ABLIM1: variants seen among roughly 807,000 people sequenced by gnomAD.
ABLIM1 encodes the protein actin-binding LIM protein 1.
In ABLIM1, 40 loss-of-function variants were observed where a neutral mutation model predicts 107.0. The observed-to-expected ratio is 0.37, with a 90% confidence interval of 0.29 to 0.49. The LOEUF (loss-of-function observed/expected upper bound fraction) is 0.49, where lower values mean the gene tolerates loss of function less well. Ranked by LOEUF, ABLIM1 falls within the 20% of genes least tolerant of loss-of-function variation. The probability of loss-of-function intolerance (pLI) is 0.97; values close to 1 mark genes in which losing one functional copy is unlikely to be tolerated. For missense variants in ABLIM1, 857 were observed against 1,008.5 expected (o/e 0.85, Z 2.04); for synonymous variants, 357 against 357.3 (o/e 1.00, Z 0.01).
At chr10:114,504,878 G>C (rs17091958) in intron 6 of ABLIM1, among the ~76,000 whole-genome samples, 16,992 of 152,192 alleles carry the variant, frequency 0.11, 1,013 homozygotes, top group African/African-American at 0.17. Context: ...TGCCTAGCTT[G>C]CAAGGTTGCT....
At chr10:114,512,278 G>A (rs144066052) in intron 6 of ABLIM1, among the ~76,000 whole-genome samples, 201 of 152,344 alleles carry the variant, frequency 1.3e-3, no homozygotes, top group Admixed American at 2.5e-3. Flanking sequence ...GTGCACTCAC[G>A]GAGTACCTCT....
intron 4 of ABLIM1, among the ~76,000 whole-genome samples, chr10:114,563,480 G>A (rs773440165): frequency 1.3e-5 from 2 of 152,098 alleles, no homozygotes; most frequent in Non-Finnish European, 1.5e-5. Flanking sequence ...TTGGTTATGC[G>A]CCAATGCGGT....
At chr10:114,554,272 T>C (rs2483536) in intron 4 of ABLIM1, among the ~76,000 whole-genome samples, 56,158 of 151,702 alleles carry the variant, frequency 0.37, 13,669 homozygotes, top group African/African-American at 0.7. Flanking sequence ...ACCAGCCTCA[T>C]TGCCGGTCTC....
chr10:114,689,045 G>C (rs896919632), upstream of ABLIM1, among the ~76,000 whole-genome samples: 3 of 152,146 alleles, frequency 2.0e-5, no homozygotes, highest in Non-Finnish European at 2.9e-5. Context: ...CTTTCACAAA[G>C]ACGGCTGATG....
chr10:114,467,026 G>T (rs1255191960), intron 11 of ABLIM1, among the ~76,000 whole-genome samples: 2 of 152,102 alleles, frequency 1.3e-5, no homozygotes, highest in African/African-American at 4.8e-5. Flanking sequence ...GAGCATGGTG[G>T]TGTGCACCTG....
At chr10:114,633,109 A>G (rs2483610) in intron 1 of ABLIM1, among the ~76,000 whole-genome samples, 4,190 of 152,300 alleles carry the variant, frequency 0.028, 194 homozygotes, top group African/African-American at 0.095. Context: ...CAGACATCAC[A>G]AGGCAGGGAG....
chr10:114,728,476 T>C (rs808357), intron 1 of ABLIM1, among the ~76,000 whole-genome samples: 101,213 of 143,650 alleles, frequency 0.7, 35,350 homozygotes, highest in Middle Eastern at 0.75. Context: ...ACATTAAGAA[T>C]GGGTAAATAA....
At chr10:114,792,652 T>C in the ABLIM1 span, among the ~76,000 whole-genome samples, 5 of 152,212 alleles carry the variant, frequency 3.3e-5, no homozygotes, top group Non-Finnish European at 7.3e-5. Flanking sequence ...GATCCTCTTC[T>C]TCCCTCCATC....
chr10:114,635,493 C>CA (rs2078432770), intron 1 of ABLIM1, among the ~76,000 whole-genome samples: 1 of 152,186 alleles, frequency 6.6e-6, no homozygotes, highest in African/African-American at 2.4e-5. Flanking sequence ...ATCAGGTGTC[C>CA]AGTTGCTAAC....
At chr10:114,750,419 A>AC (rs111529223) in intron 1 of ABLIM1, among the ~76,000 whole-genome samples, 5,229 of 152,306 alleles carry the variant, frequency 0.034, 124 homozygotes, top group South Asian at 0.062. Flanking sequence ...AGAATACAAA[A>AC]CCCAAGAAAC....
intron 22 of ABLIM1, among the ~76,000 whole-genome samples, chr10:114,437,492 T>C (rs2059591809): frequency 6.7e-6 from 1 of 149,640 alleles, no homozygotes; most frequent in Admixed American, 6.6e-5. Flanking sequence ...TGAATTTTTG[T>C]ATTTTTAGTA....
At chr10:114,760,813 G>T (rs899711792) in intron 1 of ABLIM1, among the ~76,000 whole-genome samples, 3 of 152,206 alleles carry the variant, frequency 2.0e-5, no homozygotes, top group Non-Finnish European at 4.4e-5. Flanking sequence ...TGTCCAAAAT[G>T]ATCTCTCTCA....
At chr10:114,542,781 G>T (rs1341403884) in intron 6 of ABLIM1, among the ~76,000 whole-genome samples, 2 of 152,108 alleles carry the variant, frequency 1.3e-5, no homozygotes, top group Non-Finnish European at 2.9e-5. Context: ...GATGAGGGAT[G>T]GACTCAGGGC....
upstream of ABLIM1, among the ~76,000 whole-genome samples, chr10:114,769,422 GGAAAGAAA>G (rs201904899): frequency 0.12 from 5,937 of 51,534 alleles, 175 homozygotes; most frequent in African/African-American, 0.12. Flanking sequence ...AAGAAAAGAA[GGAAAGAAA>G]GAAAGAAAGA....
At chr10:114,744,851 C>T (rs757875455) in intron 1 of ABLIM1, among the ~76,000 whole-genome samples, 4 of 152,068 alleles carry the variant, frequency 2.6e-5, no homozygotes, top group Non-Finnish European at 5.9e-5. Flanking sequence ...CCACCTTGAC[C>T]CTGCCCTGAC....
At chr10:114,723,216 C>G (rs184869820) in intron 1 of ABLIM1, among the ~76,000 whole-genome samples, 1 of 152,220 alleles carries the variant, frequency 6.6e-6, no homozygotes, top group East Asian at 1.9e-4. Flanking sequence ...CAGGAGTACC[C>G]AGGAGAGGCC....
intron 2 of ABLIM1, among the ~76,000 whole-genome samples, chr10:114,592,866 T>C (rs369039063): frequency 1.4e-4 from 21 of 152,120 alleles, no homozygotes; most frequent in African/African-American, 4.8e-4. Context: ...AGAAGAAGGT[T>C]GGGGTGGGTA....
intron 1 of ABLIM1, among the ~76,000 whole-genome samples, chr10:114,655,023 C>G (rs988504301): frequency 6.6e-6 from 1 of 151,994 alleles, no homozygotes; most frequent in African/African-American, 2.4e-5. Flanking sequence ...TAGACAGGAG[C>G]CCTACAAAAA....
At chr10:114,704,710 C>T (rs1307473159) in intron 1 of ABLIM1, among the ~76,000 whole-genome samples, 3 of 152,052 alleles carry the variant, frequency 2.0e-5, no homozygotes, top group East Asian at 3.9e-4. Flanking sequence ...GGGTCCAAGG[C>T]CTTTTCTCTG....
Sources: allele counts gnomAD v4.1 joint callset (sites outside exome capture counted in the v4.1 genomes callset), GRCh38; gene constraint gnomAD v4.1.1; transcripts MANE v1.5; gene names NCBI Gene and HGNC (gene_info 2026-07-23, HGNC 2026-07-21).